The following MED26 variants were observed in gnomAD, a reference collection of about 807,000 sequenced individuals.
MED26 encodes mediator of RNA polymerase II transcription subunit 26.
Under a neutral mutation model 43.7 loss-of-function variants are expected in MED26, and 7 were observed. The ratio of observed to expected loss-of-function variants is 0.16; its 90% confidence interval spans 0.09 to 0.30. MED26 has a LOEUF of 0.30. Among genes scored for constraint, MED26 ranks in the 10% least tolerant of loss-of-function variants. MED26 has a pLI of 1.00. For synonymous variants in MED26, 375 were observed against 371.1 expected (o/e 1.01, Z -0.12); for missense variants, 784 against 840.6 (o/e 0.93, Z 0.83).
In MED26 at chr19:16,619,327, A is replaced by C. The variant is rs143151261; in HGVS notation, c.72+8545T>G. On this transcript the variant is annotated intron_variant, in intron 1 of 2. Coordinates refer to ENST00000263390, the MANE Select transcript of MED26 (RefSeq NM_004831.5). ...GAATGGAGTTGGGCAGCATCTATAA[A>C]GGGTTCTGGAGGGCTGGCCTGCAGA... Among the ~76,000 whole-genome samples the C allele has an allele frequency of 4.4e-3, 677 of 152,284 alleles. 10 individuals are homozygous for C. The highest frequency in any genetic ancestry group is 0.016 in the African/African-American group (650 of 41,530).
chr19:16,605,813 C>T (rs550302416), intron 1 of MED26, among the ~76,000 whole-genome samples: 1 of 152,336 alleles, frequency 6.6e-6, no homozygotes, highest in East Asian at 1.9e-4. Context: ...AGCATTCATC[C>T]TGTAAATGGA....
In MED26 at chr19:16,615,815, G is replaced by A. The variant is rs529595358; in HGVS notation, c.72+12057C>T. ...AGACCAGCCAAGCCACAAGGTCTTA[G>A]TCCTCTCCACTCCTCTGACCAGGTC... On this transcript the variant is annotated intron_variant, in intron 1 of 2. Transcript: ENST00000263390. Among the ~76,000 whole-genome samples, 5 of 151,534 alleles carry A rather than the reference G, an allele frequency of 3.3e-5. No homozygotes were observed. In the South Asian group the frequency reaches 1.0e-3, roughly 32 times the overall value.
chr19:16,609,941 TAAAAAAAAAAAAAA>T (rs869040520), intron 1 of MED26, among the ~76,000 whole-genome samples: 2 of 84,672 alleles, frequency 2.4e-5, no homozygotes, highest in African/African-American at 4.7e-5. Flanking sequence ...AAGCACTCTT[TAAAAAAAAAAAAAA>T]AAAAAAAAAA....
intron 1 of MED26, among the ~76,000 whole-genome samples, chr19:16,620,521 C>G (rs1469617108): frequency 1.3e-5 from 2 of 152,264 alleles, no homozygotes; most frequent in African/African-American, 4.8e-5. Flanking sequence ...TTTGGGCACC[C>G]ACGTGCTGTG....
chr19:16,578,507 G>A, intron 1 of MED26, 98 bp from the exon 2 acceptor site: 1 of 1,097,136 alleles, frequency 9.1e-7, no homozygotes, highest in South Asian at 1.4e-5. Context: ...CCCAACCCCA[G>A]AGCAAGAGGA....
In MED26 at chr19:16,577,429, T is replaced by C. The variant is rs746045701; in HGVS notation, c.401A>G (p.Gln134Arg). The C allele has an allele frequency of 1.3e-6, 2 of 1,598,108 alleles. No individual in the cohort carries two copies. Reference sequence around the variant, plus strand: ...GTCCAGCCGCTGCCCGGGCAGCCTCTGGAGGTCATTGCGGCTCTTCAGGTC... The same window carrying C: ...GTCCAGCCGCTGCCCGGGCAGCCTCCGGAGGTCATTGCGGCTCTTCAGGTC... ...IHDLKSRNDL[Q>R]RLPGQRLDRL... Residue 134 changes from glutamine (Q) to arginine (R), a missense_variant, in exon 3 of 3, where the codon CAG becomes CGG. Gln to Arg is a conservative substitution (Grantham distance 43, BLOSUM62 1). This residue lies in a region of MED26 where 719 missense variants were observed against 730.9 expected (regional missense o/e 0.98). Transcript: ENST00000263390. The surrounding 1 kb of genome is among the most constrained non-coding windows in gnomAD (Gnocchi z 8.1).
chr19:16,579,475 G>C (rs2086033181), intron 1 of MED26, among the ~76,000 whole-genome samples: 1 of 152,224 alleles, frequency 6.6e-6, no homozygotes, highest in South Asian at 2.1e-4. Flanking sequence ...GCAGAGTGAA[G>C]CATGAACACA....
intron 1 of MED26, among the ~76,000 whole-genome samples, chr19:16,616,435 A>G (rs2122450029): frequency 6.6e-6 from 1 of 152,198 alleles, no homozygotes; most frequent in South Asian, 2.1e-4. Context: ...ACCACCAGAA[A>G]AGTCAAACAT....
intron 1 of MED26, among the ~76,000 whole-genome samples, chr19:16,581,527 T>C (rs981951108): frequency 7.2e-5 from 11 of 152,222 alleles, no homozygotes; most frequent in African/African-American, 2.4e-4. Flanking sequence ...CAGCAGTCCT[T>C]GCAGAGCAGA....
At chr19:16,621,287 A>G (rs982208191) in intron 1 of MED26, among the ~76,000 whole-genome samples, 1 of 152,226 alleles carries the variant, frequency 6.6e-6, no homozygotes, top group Non-Finnish European at 1.5e-5. Context: ...CACCTACCCT[A>G]GAAGTAATTC....
Position 16,576,705 on chromosome 19 carries a change from G to A in MED26, c.1125C>T (p.Asp375=). The change falls in exon 3 of 3, where the codon GAC becomes GAT. Residue 375 remains aspartate, a synonymous_variant. Coordinates refer to ENST00000263390, the MANE Select transcript of MED26 (RefSeq NM_004831.5). This position sits in a 1 kb window ranked among gnomAD's most constrained non-coding sequence, Gnocchi z 6.8. ...PLLSRAGFSP[D]SSKADSDAAS... ...CAGCATCACTGTCCGCCTTGGAGGA[G>A]TCTGGGGAAAAGCCTGCCCGGGACA... 2.5e-6 allele frequency: 4 copies of A among 1,613,390 alleles called. No individual in the cohort carries two copies. In the Middle Eastern group the frequency reaches 4.9e-4, roughly 200 times the overall value.
chr19:16,610,205 A>G (rs2086193509), intron 1 of MED26, among the ~76,000 whole-genome samples: 1 of 151,916 alleles, frequency 6.6e-6, no homozygotes, highest in African/African-American at 2.4e-5. Flanking sequence ...GGCTGTAGTG[A>G]GCTATGATTG....
chr19:16,621,487 G>C (rs752073005), intron 1 of MED26, among the ~76,000 whole-genome samples: 2 of 152,114 alleles, frequency 1.3e-5, no homozygotes, highest in Non-Finnish European at 2.9e-5. Flanking sequence ...TCATTTTCCT[G>C]CAGTGGATGA....
rs147106610 is a variant in MED26 at position 16,626,940 on chromosome 19, A to AACAC, written c.72+928_72+931dup. Among the ~76,000 whole-genome samples the AACAC allele has an allele frequency of 2.2e-3, 197 of 88,388 alleles. 1 individual carries two copies. The highest frequency in any genetic ancestry group is 7.7e-3 in the African/African-American group (187 of 24,138). The allele number at this position is 88,388 out of a possible 152,430, so 58.0% of individuals were successfully genotyped here. ...CCCCCCACCCCCCCACCCCCGCAAC[A>AACAC]ACACACACACACACACGGAAGGGGA... On this transcript the variant is annotated intron_variant, in intron 1 of 2. Transcript: ENST00000263390.
intron 1 of MED26, chr19:16,611,519 C>T (rs529002541): frequency 6.6e-6 from 1 of 152,260 alleles, no homozygotes; most frequent in Admixed American, 6.5e-5. Context: ...GAGCAGCCTA[C>T]TTTTATTTTC....
intron 1 of MED26, among the ~76,000 whole-genome samples, chr19:16,607,053 G>A (rs567726309): frequency 6.6e-5 from 10 of 152,226 alleles, no homozygotes; most frequent in African/African-American, 2.4e-4. Flanking sequence ...GGAAAAATAA[G>A]AACGTTGGCC....
At chr19:16,623,629 G>C (rs2086261084) in intron 1 of MED26, among the ~76,000 whole-genome samples, 1 of 152,150 alleles carries the variant, frequency 6.6e-6, no homozygotes, top group Non-Finnish European at 1.5e-5. Context: ...CCTGTTAGAT[G>C]TAACATAGGT....
At position 16,576,050 on chromosome 19, in the gene MED26, G is replaced by A. The variant is rs1472274436; in HGVS notation, c.1780C>T (p.Leu594=). ...GGTCAGTCCAAGCAGACATAAGGCA[G>A]AATGTTCAAGCGCCCGTCGTCGCCG... ...PHGDDGRLNI[L]PYVCLD is the part of the protein sequence containing the mutation. Residue 594 remains leucine (L), a synonymous_variant, in exon 3 of 3, where the codon CTG becomes TTG. Coordinates refer to ENST00000263390, the MANE Select transcript of MED26 (RefSeq NM_004831.5). The surrounding 1 kb of genome is among the most constrained non-coding windows in gnomAD (Gnocchi z 6.8). The A allele has an allele frequency of 6.2e-7, 1 of 1,613,440 alleles. No individual in the cohort carries two copies. Among genetic ancestry groups the A allele is most frequent in the Non-Finnish European group, 8.5e-7 (1 of 1,179,886 alleles).
At chr19:16,588,325 G>C (rs748661210) in intron 1 of MED26, 1 of 152,248 alleles carries the variant, frequency 6.6e-6, no homozygotes, top group South Asian at 2.1e-4. Context: ...CACAGTGCTC[G>C]GCCCATATAT....
Sources: gnomAD v4.1 joint callset for allele counts (sites outside exome capture counted in the v4.1 genomes callset) on GRCh38, gnomAD v4.1.1 for gene constraint, gnomAD v4.1.1 regional missense constraint, Gnocchi (gnomAD v3.1) non-coding constraint, MANE v1.5 for transcripts, NCBI Gene and HGNC (gene_info 2026-07-23, HGNC 2026-07-21) for gene names.